ATP12A: variants seen among roughly 807,000 people sequenced by gnomAD.
ATP12A encodes the protein ATPase H+/K+ transporting non-gastric alpha2 subunit.
Under a neutral mutation model 111.2 loss-of-function variants are expected in ATP12A, and 81 were observed. That is an observed-to-expected ratio of 0.73 (90% CI 0.61 to 0.88). The LOEUF (loss-of-function observed/expected upper bound fraction) is 0.88, where lower values mean the gene tolerates loss of function less well. Among genes scored for constraint, ATP12A ranks in the 40% least tolerant of loss-of-function variants. ATP12A has a pLI of 0.00. For missense variants in ATP12A, 1,196 were observed against 1,313.1 expected, an observed-to-expected ratio of 0.91 and a Z score of 1.38; for synonymous variants, 498 against 499.8, an observed-to-expected ratio of 1.00 and a Z score of 0.05.
chr13:24,688,907 T>A (rs1871555519), intron 4 of ATP12A, among the ~76,000 whole-genome samples: 1 of 152,032 alleles, frequency 6.6e-6, no homozygotes, highest in African/African-American at 2.4e-5. Context: ...AAGCTACATG[T>A]CATAGGATTG....
chr13:24,694,308 G>A (rs990597135), intron 10 of ATP12A, 136 bp from the exon 11 acceptor site: 4 of 1,152,556 alleles, frequency 3.5e-6, no homozygotes, highest in Non-Finnish European at 5.0e-6. Context: ...CGGTCTTGCG[G>A]CCCTCCCTGA....
Position 24,700,892 on chromosome 13 carries a change from A to C in ATP12A, c.1851A>C (p.Ala617=). 1 of 1,614,222 alleles carries C rather than the reference A, an allele frequency of 6.2e-7. No homozygotes were observed. Among genetic ancestry groups the C allele is most frequent in the Non-Finnish European group, 8.5e-7 (1 of 1,180,034 alleles). The change falls in exon 13 of 23, where the codon GCA becomes GCC. Residue 617 remains alanine (A), a synonymous_variant. Transcript: ENST00000381946. ...CCCCTCGGTCCACCGTGCCAGATGC[A>C]GTCACCAAATGCCGGAGTGCAGGGA... is the stretch of plus-strand genomic sequence containing the variant. ...IDPPRSTVPD[A]VTKCRSAGIK... is the part of the protein sequence containing the mutation.
intron 17 of ATP12A, among the ~76,000 whole-genome samples, chr13:24,708,857 GGAAAGAGAGAAAGA>G (rs1875786014): frequency 8.2e-6 from 1 of 122,124 alleles, no homozygotes; most frequent in South Asian, 2.6e-4. Flanking sequence ...AGAGAGAGAG[GGAAAGAGAGAAAGA>G]GAAAGAGAGA....
intron 14 of ATP12A, among the ~76,000 whole-genome samples, chr13:24,703,234 T>TTTTG (rs80317625): frequency 0.13 from 19,997 of 152,022 alleles, 1,345 homozygotes; most frequent in Middle Eastern, 0.21. Flanking sequence ...TTTAAACAAA[T>TTTTG]TTTGTTTGTT....
Position 24,689,369 on chromosome 13 carries a change from C to T in ATP12A, c.540C>T (p.Ile180=), listed in dbSNP as rs199588325. The T allele has an allele frequency of 3.7e-6, 6 of 1,613,662 alleles. No individual in the cohort carries two copies. Among genetic ancestry groups the T allele is most frequent in the Non-Finnish European group, 4.2e-6 (5 of 1,179,646 alleles). The change falls in exon 5 of 23, where the codon ATC becomes ATT. Residue 180 remains isoleucine, a synonymous_variant. Coordinates refer to ENST00000381946, the MANE Select transcript of ATP12A (RefSeq NM_001676.7). ...TCATGTCCAGCTTCAATAAGATGAT[C>T]CCTCAGGTGAGTGGCAGCCACCTAT... ...TNIMSSFNKM[I]PQQALVIRDS...
At chr13:24,710,128 G>A (rs1422432573) in intron 19 of ATP12A, among the ~76,000 whole-genome samples, 1 of 152,182 alleles carries the variant, frequency 6.6e-6, no homozygotes, top group African/African-American at 2.4e-5. Context: ...TTTCAGGCCG[G>A]GTGCAGTGGC....
At position 24,694,600 on chromosome 13, in the gene ATP12A, G is replaced by A. The variant is rs751852720; in HGVS notation, c.1512+22G>A. 11 of 1,611,890 alleles carry A rather than the reference G, an allele frequency of 6.8e-6. No homozygotes were observed. The South Asian group carries it at 1.2e-4, about 18-fold the overall frequency. ...TCAGGTGAGTTTTTCCTCACAACCG[G>A]TAATCTCTGTCATCGGCAGCATGAC... On this transcript the variant is annotated intron_variant, in intron 11 of 22. Transcript: ENST00000381946.
Position 24,692,517 on chromosome 13 carries a change from C to G in ATP12A, c.1157C>G (p.Ser386Cys), listed in dbSNP as rs1566072181. Residue 386 changes from serine (S) to cysteine (C), a missense_variant, in exon 9 of 23, where the codon TCC (serine) becomes TGC (cysteine). By Grantham distance (112) the Ser-to-Cys change is moderately radical. This residue lies in a region of ATP12A where 1,126 missense variants were observed against 1,228.5 expected (regional missense o/e 0.92). Transcript: ENST00000381946. ...GCTGTGGAGACCCTCGGCTCCACCTCCATCATCTGCTCGGACAAGACTGGG... is the reference window on the plus strand; with the variant it reads ...GCTGTGGAGACCCTCGGCTCCACCTGCATCATCTGCTCGGACAAGACTGGG... ...LEAVETLGST[S>C]IICSDKTGTL... 2 of 1,614,020 alleles carry G rather than the reference C, an allele frequency of 1.2e-6. No homozygotes were observed. The highest frequency in any genetic ancestry group is 1.7e-5 in the Admixed American group (1 of 59,990).
At chr13:24,696,743 A>AAAAAAAG (rs1555254852) in intron 11 of ATP12A, among the ~76,000 whole-genome samples, 14 of 99,362 alleles carry the variant, frequency 1.4e-4, no homozygotes, top group Admixed American at 2.6e-4. Context: ...AAAAAAAAAA[A>AAAAAAAG]AAAGAAAGGG....
In ATP12A at chr13:24,694,563, T is replaced by C; in HGVS notation, c.1497T>C (p.Ser499=). 6.2e-7 allele frequency: 1 copy of C among 1,612,976 alleles called. No individual in the cohort carries two copies. The highest frequency in any genetic ancestry group is 8.5e-7 in the Non-Finnish European group (1 of 1,180,000). The change falls in exon 11 of 23, where the codon TCT becomes TCC. Residue 499 remains serine (S), a synonymous_variant. Transcript: ENST00000381946. The part of the protein sequence containing the change: ...NRKVAEIPFN[S]TNKFQLSIHE... ...AAGTAGCTGAAATCCCTTTTAACTCTACTAATAAATTTCAGGTGAGTTTTT... is the reference window on the plus strand; with the variant it reads ...AAGTAGCTGAAATCCCTTTTAACTCCACTAATAAATTTCAGGTGAGTTTTT...
chr13:24,690,742 A>C (rs1473012619), intron 7 of ATP12A, 21 bp downstream of exon 7: 1 of 1,595,430 alleles, frequency 6.3e-7, no homozygotes, highest in Admixed American at 1.7e-5. Context: ...TCTGGCTCTC[A>C]GCCCACATGT....
At chr13:24,701,896 C>T (rs760116055) in intron 13 of ATP12A, 39 bp from the exon 14 acceptor site, 1 of 1,613,630 alleles carries the variant, frequency 6.2e-7, no homozygotes, top group Non-Finnish European at 8.5e-7. Flanking sequence ...CAACCGAGTT[C>T]TTCATTACCC....
At position 24,710,873 on chromosome 13, in the gene ATP12A, C is replaced by T. The variant is rs765868427; in HGVS notation, c.2979C>T (p.Ala993=). Residue 993 remains alanine (A), a synonymous_variant, in exon 21 of 23, where the codon GCC becomes GCT. Transcript: ENST00000381946. ...ILSYGLGSVT[A]LSFTMLRAQY... ...CCTATGGCCTCGGAAGTGTCACAGCCTTGAGTTTCACCATGCTTAGGTGAG... is the reference window on the plus strand; with the variant it reads ...CCTATGGCCTCGGAAGTGTCACAGCTTTGAGTTTCACCATGCTTAGGTGAG... 3 of 1,614,184 alleles carry T rather than the reference C, an allele frequency of 1.9e-6. No homozygotes were observed. The highest frequency in any genetic ancestry group is 2.2e-5 in the East Asian group (1 of 44,878).
intron 15 of ATP12A, 120 bp downstream of exon 15, chr13:24,706,583 C>G: frequency 7.1e-7 from 1 of 1,402,000 alleles, no homozygotes; most frequent in South Asian, 1.5e-5. Context: ...GAGTTCTTGG[C>G]TCATCCCCAT....
At chr13:24,696,352 G>A (rs1014188110) in intron 11 of ATP12A, among the ~76,000 whole-genome samples, 11 of 152,004 alleles carry the variant, frequency 7.2e-5, no homozygotes, top group Non-Finnish European at 1.5e-4. Context: ...GAAAAAGCAG[G>A]TTCCATGAGG....
chr13:24,688,544 T>C, intron 4 of ATP12A, 22 bp downstream of exon 4: 1 of 1,497,038 alleles, frequency 6.7e-7, no homozygotes, highest in Non-Finnish European at 8.9e-7. Context: ...GGGTGTCCCC[T>C]CCTGGTTTTG....
chr13:24,688,285 T>C (rs368379705), intron 3 of ATP12A, 34 bp from the exon 4 acceptor site: 49 of 1,576,158 alleles, frequency 3.1e-5, no homozygotes, highest in Admixed American at 5.3e-5. Flanking sequence ...CGTATTTGTT[T>C]TGGTTGTGCA....
rs1688207918 is a variant in ATP12A at position 24,702,068 on chromosome 13, A to G, written c.2015A>G (p.Lys672Arg). The G allele has an allele frequency of 1.2e-6, 2 of 1,614,134 alleles. No individual in the cohort carries two copies. Among genetic ancestry groups the G allele is most frequent in the African/African-American group, 2.7e-5 (2 of 74,952 alleles). ...AACATTGCTGTGGAGCAAGTTAACAAACGGTAAGCACAGGAGCAGCATAGT... is the reference window on the plus strand; with the variant it reads ...AACATTGCTGTGGAGCAAGTTAACAGACGGTAAGCACAGGAGCAGCATAGT... ...RLNIAVEQVN[K>R]RDAKAAVVTG... Residue 672 changes from lysine to arginine, a missense_variant, in exon 14 of 23, where the codon AAA becomes AGA. By Grantham distance (26) the Lys-to-Arg change is conservative. Coordinates refer to ENST00000381946, the MANE Select transcript of ATP12A (RefSeq NM_001676.7).
At chr13:24,688,181 G>C in intron 3 of ATP12A, 138 bp from the exon 4 acceptor site, 1 of 910,686 alleles carries the variant, frequency 1.1e-6, no homozygotes, top group South Asian at 1.9e-5. Context: ...GGCACGGTCT[G>C]CTTTTCTCGG....
Sources: allele counts gnomAD v4.1 joint callset (sites outside exome capture counted in the v4.1 genomes callset), GRCh38; gene constraint gnomAD v4.1.1; regional missense constraint gnomAD v4.1.1; transcripts MANE v1.5; gene names NCBI Gene and HGNC (gene_info 2026-07-23, HGNC 2026-07-21).